The following ADD2 variants were observed in gnomAD, a reference collection of about 807,000 sequenced individuals.
The protein encoded by ADD2 is beta-adducin.
Under a neutral mutation model 83.0 loss-of-function variants are expected in ADD2, and 23 were observed. That is an observed-to-expected ratio of 0.28 (90% confidence interval 0.20 to 0.39). ADD2 has a LOEUF of 0.39. Among genes scored for constraint, ADD2 ranks in the 10% least tolerant of loss-of-function variants. The pLI is 1.00. For synonymous variants in ADD2, 375 were observed against 375.4 expected (o/e 1.00, Z 0.01); for missense variants, 758 against 944.9 (o/e 0.80, Z 2.59).
intron 4 of ADD2, among the ~76,000 whole-genome samples, chr2:70,700,070 G>A (rs1671512419): frequency 6.6e-6 from 1 of 152,140 alleles, no homozygotes; most frequent in African/African-American, 2.4e-5. Flanking sequence ...TAAATACCAA[G>A]AGAAATGAAC....
chr2:70,715,529 GC>G (rs1252144400), intron 1 of ADD2, among the ~76,000 whole-genome samples: 2 of 152,148 alleles, frequency 1.3e-5, no homozygotes, highest in Admixed American at 1.3e-4. Context: ...CAGAGGCACA[GC>G]CCCTCAGAGC....
At chr2:70,738,504 C>T (rs1171548149) in intron 1 of ADD2, among the ~76,000 whole-genome samples, 1 of 152,180 alleles carries the variant, frequency 6.6e-6, no homozygotes, top group African/African-American at 2.4e-5. Flanking sequence ...TGCCTGCCTG[C>T]CTCCTAGCTC....
intron 15 of ADD2, among the ~76,000 whole-genome samples, chr2:70,666,800 A>G (rs933042644): frequency 4.7e-4 from 72 of 152,326 alleles, no homozygotes; most frequent in African/African-American, 1.6e-3. Context: ...CTCACCATGT[A>G]GAAAGTGGGG....
chr2:70,717,550 G>A (rs569498481), intron 1 of ADD2: 9 of 152,446 alleles, frequency 5.9e-5, no homozygotes, highest in African/African-American at 2.2e-4. Flanking sequence ...CTCCCCAACA[G>A]CCATGGCCAT....
chr2:70,702,500 A>C (rs187833096), intron 4 of ADD2, among the ~76,000 whole-genome samples: 12 of 152,330 alleles, frequency 7.9e-5, no homozygotes, highest in Admixed American at 7.2e-4. Flanking sequence ...TTGTACAAAC[A>C]GTTGAGGAAA....
intron 1 of ADD2, among the ~76,000 whole-genome samples, chr2:70,730,297 C>T (rs1217630972): frequency 1.3e-4 from 20 of 152,122 alleles, no homozygotes; most frequent in Non-Finnish European, 2.9e-5. Context: ...AGCATGATAC[C>T]ACATCGGGCC....
In ADD2 at chr2:70,658,296, G is replaced by A. The variant is rs782546318; in HGVS notation, c.*5129C>T. ...GGATGTTGGGCATTCCTTGGTGACCGAGCTCTACGTGTGGTCTCTCATTTA... is the reference window on the plus strand; with the variant it reads ...GGATGTTGGGCATTCCTTGGTGACCAAGCTCTACGTGTGGTCTCTCATTTA... On this transcript the variant is annotated 3_prime_UTR_variant, in exon 16 of 16. Coordinates refer to ENST00000264436, the MANE Select transcript of ADD2 (RefSeq NM_001617.4). 4 of 152,178 alleles carry A rather than the reference G, an allele frequency of 2.6e-5. No homozygotes were observed. Among genetic ancestry groups the A allele is most frequent in the Non-Finnish European group, 4.4e-5 (3 of 68,024 alleles). The allele number at this position is 152,178 out of a possible 1,614,324, so 9.4% of individuals were successfully genotyped here. A position where few individuals can be genotyped will look rare whatever the true frequency, so the allele number is the denominator to read the frequency against.
At chr2:70,673,402 C>T in intron 14 of ADD2, 2 of 1,225,636 alleles carry the variant, frequency 1.6e-6, no homozygotes, top group Non-Finnish European at 2.4e-6. Flanking sequence ...CCCACAACCA[C>T]CAACTCCCCT....
At chr2:70,726,070 C>T (rs1672981109) in intron 1 of ADD2, among the ~76,000 whole-genome samples, 1 of 151,262 alleles carries the variant, frequency 6.6e-6, no homozygotes, top group Admixed American at 6.6e-5. Context: ...GCCTGTAGTC[C>T]CAGCTACTTG....
intron 6 of ADD2, 122 bp downstream of exon 6, chr2:70,695,599 C>T: frequency 1.2e-6 from 1 of 835,692 alleles, no homozygotes; most frequent in Non-Finnish European, 2.0e-6. Flanking sequence ...CTTCTCTGCC[C>T]TATCAGATTG....
At position 70,764,616 on chromosome 2, in the gene ADD2, T is replaced by C. The variant is rs370608835; in HGVS notation, c.-154+3270A>G. 4.6e-5 allele frequency among the ~76,000 whole-genome samples: 7 copies of C among 151,958 alleles called. No homozygotes were observed. The East Asian group carries it at 7.7e-4, about 17-fold the overall frequency. ...CAGAACACATTTTTACTGCTAATTA[T>C]TTATGATTATCACTGGAATAGGCCA... is the stretch of plus-strand genomic sequence containing the variant. On this transcript the variant is annotated intron_variant, in intron 1 of 15. Transcript: ENST00000264436.
At chr2:70,709,462 G>A (rs950075162) in intron 2 of ADD2, among the ~76,000 whole-genome samples, 2 of 152,190 alleles carry the variant, frequency 1.3e-5, no homozygotes. Context: ...AGTGAGTCAG[G>A]GATGTTGCTG....
chr2:70,720,878 G>A (rs1553377213), intron 1 of ADD2, among the ~76,000 whole-genome samples: 1 of 152,186 alleles, frequency 6.6e-6, no homozygotes, highest in African/African-American at 2.4e-5. Flanking sequence ...GAGTGGAGGT[G>A]CCTTCTCCAC....
In ADD2 at chr2:70,674,700, C is replaced by T. The variant is rs1553367859; in HGVS notation, c.1719G>A (p.Glu573=). Residue 573 remains glutamate, a synonymous_variant, in exon 14 of 16, where the codon GAG becomes GAA. Transcript: ENST00000264436. The part of the protein sequence containing the change: ...QELEEYKKEV[E]RKKLELDGEK... Reference sequence around the variant, plus strand: ...TACCATCAAGTTCTAGTTTCTTCCTCTCCACCTCTTTCTTGTACTCCTCCA... The same window carrying T: ...TACCATCAAGTTCTAGTTTCTTCCTTTCCACCTCTTTCTTGTACTCCTCCA... 1 of 1,613,870 alleles carries T rather than the reference C, an allele frequency of 6.2e-7. No homozygotes were observed. Among genetic ancestry groups the T allele is most frequent in the African/African-American group, 1.3e-5 (1 of 74,908 alleles).
chr2:70,739,423 C>T (rs1553380699), intron 1 of ADD2, among the ~76,000 whole-genome samples: 1 of 152,188 alleles, frequency 6.6e-6, no homozygotes, highest in African/African-American at 2.4e-5. Context: ...AACACTTATA[C>T]AGTGTTGGTG....
rs549486485 is a variant in ADD2 at position 70,672,989 on chromosome 2, G to T, written c.1759C>A (p.Pro587Thr). 1.9e-6 allele frequency: 3 copies of T among 1,613,338 alleles called. No homozygotes were observed. In the South Asian group the frequency reaches 3.3e-5, roughly 18 times the overall value. ...LELDGEKETA[P>T]EEPGSPAKSA... Reference sequence around the variant, plus strand: ...TTTGCAGGTGAGCCAGGCTCTTCTGGGGCAGTTTCTTTCTCTCCTGAAAAA... The same window carrying T: ...TTTGCAGGTGAGCCAGGCTCTTCTGTGGCAGTTTCTTTCTCTCCTGAAAAA... The change falls in exon 15 of 16, where the codon CCA becomes ACA. Residue 587 changes from proline (P) to threonine (T), a missense_variant. Coordinates refer to ENST00000264436, the MANE Select transcript of ADD2 (RefSeq NM_001617.4).
At chr2:70,705,160 AC>A (rs1671817747) in intron 3 of ADD2, among the ~76,000 whole-genome samples, 1 of 151,284 alleles carries the variant, frequency 6.6e-6, no homozygotes, top group African/African-American at 2.4e-5. Flanking sequence ...GCCTCTCCTA[AC>A]CCCCTTGCCA....
chr2:70,747,432 T>C (rs891022145), intron 1 of ADD2, among the ~76,000 whole-genome samples: 1 of 151,618 alleles, frequency 6.6e-6, no homozygotes, highest in South Asian at 2.1e-4. Context: ...TCTCCCATCA[T>C]GCCATGTGCT....
intron 1 of ADD2, among the ~76,000 whole-genome samples, chr2:70,748,409 C>T (rs1674339590): frequency 6.6e-6 from 1 of 152,086 alleles, no homozygotes; most frequent in Non-Finnish European, 1.5e-5. Context: ...GACTCCTTCC[C>T]TCTGGTCTTG....
Sources: allele counts gnomAD v4.1 joint callset (sites outside exome capture counted in the v4.1 genomes callset), GRCh38; gene constraint gnomAD v4.1.1; transcripts MANE v1.5; gene names NCBI Gene and HGNC (gene_info 2026-07-23, HGNC 2026-07-21).